The following CENPS variants were observed in gnomAD, a reference collection of about 807,000 sequenced individuals.
The protein encoded by CENPS is centromere protein S.
A neutral mutation model predicts 17.9 loss-of-function variants in CENPS; 16 were observed. That is an observed-to-expected ratio of 0.90 (90% CI 0.61 to 1.36). The LOEUF (loss-of-function observed/expected upper bound fraction) is 1.36, where lower values mean the gene tolerates loss of function less well. CENPS is among the 40% of genes most tolerant of loss of function. CENPS has a pLI of 0.00. For missense variants in CENPS, 160 were observed against 158.6 expected (o/e 1.01, Z -0.05); for synonymous variants, 49 against 55.8 (o/e 0.88, Z 0.54).
intron 4 of CENPS, 138 bp from the exon 5 acceptor site, chr1:10,442,127 A>T: frequency 8.6e-7 from 1 of 1,168,510 alleles, no homozygotes; most frequent in Non-Finnish European, 1.1e-6. Flanking sequence ...ATTCTTAGAA[A>T]TGTAACCCAG....
chr1:10,431,458 T>C (rs1639910212), intron 1 of CENPS: 3 of 1,522,502 alleles, frequency 2.0e-6, no homozygotes, highest in Admixed American at 2.0e-5. Context: ...CATTTTGCTC[T>C]GTTTGCTCCC....
At chr1:10,434,390 A>G (rs1463960371) in intron 2 of CENPS, among the ~76,000 whole-genome samples, 1 of 152,236 alleles carries the variant, frequency 6.6e-6, no homozygotes, top group African/African-American at 2.4e-5. Flanking sequence ...GATAGTTTCT[A>G]GAAACCAAAG....
At chr1:10,434,753 G>C (rs1640072654) in intron 3 of CENPS, 63 bp downstream of exon 3, 5 of 1,538,778 alleles carry the variant, frequency 3.2e-6, no homozygotes, top group Admixed American at 2.3e-5. Flanking sequence ...CTCTCCATCT[G>C]GTGGGTTATT....
intron 1 of CENPS, chr1:10,431,497 G>A (rs1639912583): frequency 2.2e-6 from 3 of 1,364,414 alleles, no homozygotes; most frequent in African/African-American, 1.5e-5. Flanking sequence ...CGCGATTGGA[G>A]AATTAATTGC....
At chr1:10,436,732 G>GAAAAGA (rs1553177459) in intron 3 of CENPS, among the ~76,000 whole-genome samples, 1 of 140,752 alleles carries the variant, frequency 7.1e-6, no homozygotes, top group African/African-American at 2.7e-5. Context: ...GAAAAGAAAA[G>GAAAAGA]AAAAAAAAAA....
chr1:10,431,752 G>T (rs1326848454), intron 1 of CENPS, among the ~76,000 whole-genome samples: 1 of 151,666 alleles, frequency 6.6e-6, no homozygotes, highest in Non-Finnish European at 1.5e-5. Flanking sequence ...TACTCGGGAC[G>T]TTGAGGCAGG....
At chr1:10,435,690 A>G (rs1009322826) in intron 3 of CENPS, among the ~76,000 whole-genome samples, 5 of 143,874 alleles carry the variant, frequency 3.5e-5, no homozygotes, top group African/African-American at 1.3e-4. Context: ...AAAAATTTAA[A>G]TACTTAAAAA....
chr1:10,437,469 TG>T (rs1640218518), intron 3 of CENPS, among the ~76,000 whole-genome samples: 1 of 141,102 alleles, frequency 7.1e-6, no homozygotes, highest in Non-Finnish European at 1.5e-5. Context: ...TTTTGTTTTT[TG>T]TTTTTAGATG....
chr1:10,440,432 T>C lies in CENPS; in HGVS notation c.276+19T>C. 1 of 1,613,410 alleles carries C rather than the reference T, an allele frequency of 6.2e-7. No homozygotes were observed. Among genetic ancestry groups the C allele is most frequent in the Non-Finnish European group, 8.5e-7 (1 of 1,179,796 alleles). The stretch of plus-strand genomic sequence containing the variant: ...TTCACTGGTGAGAGATGAATTTCTT[T>C]CCTCACTCCCCTTTCCCATCGGAAT... On this transcript the variant is annotated intron_variant, in intron 4 of 4. Transcript: ENST00000309048.
rs1056254382 is a variant in CENPS, at chr1:10,430,627, G to T, written c.51+59G>T. 1.0e-5 allele frequency: 15 copies of T among 1,506,128 alleles called. No homozygotes were observed. In the Admixed American group the frequency reaches 2.4e-4, roughly 24 times the overall value. The allele number at this position is 1,506,128 out of a possible 1,614,324, so 93.3% of individuals were successfully genotyped here. A position where few individuals can be genotyped will look rare whatever the true frequency, so the allele number is the denominator to read the frequency against. On this transcript the variant is annotated intron_variant, in intron 1 of 4. Transcript: ENST00000309048. ...CAGGACGGCGTCGAGTTTCTGGACA[G>T]AAAAGTACCCGGCAGCCCCCGGCGG...
chr1:10,430,623 G>A, intron 1 of CENPS, 55 bp downstream of exon 1: 1 of 1,516,146 alleles, frequency 6.6e-7, no homozygotes, highest in African/African-American at 1.4e-5. Flanking sequence ...CGAGTTTCTG[G>A]ACAGAAAAGT....
chr1:10,433,801 T>A, intron 1 of CENPS, 41 bp from the exon 2 acceptor site: 1 of 1,612,366 alleles, frequency 6.2e-7, no homozygotes, highest in Non-Finnish European at 8.5e-7. Flanking sequence ...AAGCTCTTAT[T>A]TGCAGCCTTA....
In CENPS at chr1:10,440,316, TTTTGGTGACTTGC is replaced by T; in HGVS notation, c.210-28_210-16del. ...TCAAAACTTTAAATAATACCAAACA[TTTTGGTGACTTGC>T]TTCTGCCCTTTCTGCAGACATGCGA... On this transcript the variant is annotated intron_variant, in intron 3 of 4. Coordinates refer to ENST00000309048, the MANE Select transcript of CENPS (RefSeq NM_199294.3). The T allele has an allele frequency of 6.2e-7, 1 of 1,609,190 alleles. No individual in the cohort carries two copies. Among genetic ancestry groups the T allele is most frequent in the Non-Finnish European group, 8.5e-7 (1 of 1,178,600 alleles).
intron 1 of CENPS, chr1:10,431,434 T>TCAC: frequency 6.5e-7 from 1 of 1,534,148 alleles, no homozygotes; most frequent in Non-Finnish European, 8.7e-7. Flanking sequence ...TCACCTTGAT[T>TCAC]CACCACTAGT....
rs766620286 is a variant in CENPS, at chr1:10,433,864, A to C, written c.74A>C (p.Tyr25Ser). The change falls in exon 2 of 5, where the codon TAT (tyrosine) becomes TCT (serine). Residue 25 changes from tyrosine (Y) to serine (S), a missense_variant. By Grantham distance (144) the Tyr-to-Ser change is moderately radical. Transcript: ENST00000309048. ...CAGAGGCTAAAGGCAGCAGTTCACT[A>C]TACTGTGGGTTGTCTTTGCGAGGAA... ...YQQRLKAAVH[Y>S]TVGCLCEEVA... 6.2e-7 allele frequency: 1 copy of C among 1,614,190 alleles called. No homozygotes were observed.
Position 10,437,400 on chromosome 1 carries a change from C to CT in CENPS, c.209+2723dup, listed in dbSNP as rs199866573. Among the ~76,000 whole-genome samples the CT allele has an allele frequency of 2.9e-3, 416 of 142,594 alleles. 1 individual carries two copies. The highest frequency in any genetic ancestry group is 7.6e-3 in the African/African-American group (292 of 38,662). The allele number at this position is 142,594 out of a possible 152,430, so 93.5% of individuals were successfully genotyped here. On this transcript the variant is annotated intron_variant, in intron 3 of 4. Transcript: ENST00000309048. ...ACATTTAGATTCTTATTTCTTATTT[C>CT]TTTTTTTTTTTTTGGAGCAGGAGGG...
chr1:10,430,469 A>C lies in CENPS; in HGVS notation c.-49A>C. The stretch of plus-strand genomic sequence containing the variant: ...GGAAAATCCGACCTGGCCGCGCACC[A>C]CCGCCCCTTCTCGGCCCTCCTGCGT... On this transcript the variant is annotated 5_prime_UTR_variant, in exon 1 of 5. Coordinates refer to ENST00000309048, the MANE Select transcript of CENPS (RefSeq NM_199294.3). The C allele has an allele frequency of 6.5e-7, 1 of 1,529,122 alleles. No homozygotes were observed. Among genetic ancestry groups the C allele is most frequent in the South Asian group, 1.2e-5 (1 of 82,230 alleles). The allele number at this position is 1,529,122 out of a possible 1,614,324, so 94.7% of individuals were successfully genotyped here. A position where few individuals can be genotyped will look rare whatever the true frequency, so the allele number is the denominator to read the frequency against.
intron 3 of CENPS, 98 bp from the exon 4 acceptor site, chr1:10,440,249 T>A (rs1640348948): frequency 6.8e-7 from 1 of 1,471,332 alleles, no homozygotes; most frequent in South Asian, 1.3e-5. Context: ...TACTTAGAGA[T>A]CCCTGCTAGT....
chr1:10,437,475 TAGA>T (rs1640219592), intron 3 of CENPS, among the ~76,000 whole-genome samples: 1 of 145,974 alleles, frequency 6.9e-6, no homozygotes, highest in Non-Finnish European at 1.5e-5. Flanking sequence ...TTTTTGTTTT[TAGA>T]TGGAGTCTCA....
Sources: gnomAD v4.1 joint callset for allele counts (sites outside exome capture counted in the v4.1 genomes callset) on GRCh38, gnomAD v4.1.1 for gene constraint, MANE v1.5 for transcripts, NCBI Gene and HGNC (gene_info 2026-07-23, HGNC 2026-07-21) for gene names.